The following RUFY1 variants were observed in gnomAD, a reference collection of about 807,000 sequenced individuals.
RUFY1 encodes RUN and FYVE domain containing 1.
RUFY1 carries 54 observed loss-of-function variants against 94.6 expected under a neutral mutation model. The ratio of observed to expected loss-of-function variants is 0.57; its 90% CI spans 0.46 to 0.72. RUFY1 has a LOEUF of 0.72. Among genes scored for constraint, RUFY1 ranks in the 30% least tolerant of loss-of-function variants. The pLI, the probability that RUFY1 is intolerant of heterozygous loss-of-function variation, is 0.00. For synonymous variants in RUFY1, 396 were observed against 347.3 expected (o/e 1.14, Z -1.56); for missense variants, 883 against 883.9 (o/e 1.00, Z 0.01).
At chr5:179,550,962 G>A in intron 1 of RUFY1, 83 bp downstream of exon 1, 3 of 982,516 alleles carry the variant, frequency 3.1e-6, no homozygotes, top group Non-Finnish European at 3.7e-6. Context: ...GGCCGGGCTG[G>A]GAGGGCACTG....
chr5:179,589,778 C>G (rs969620716), intron 9 of RUFY1, 131 bp downstream of exon 9: 2 of 722,916 alleles, frequency 2.8e-6, no homozygotes, highest in African/African-American at 3.5e-5. Context: ...CAGAAAGGGC[C>G]TCTCACTGCG....
intron 14 of RUFY1, 23 bp from the exon 15 acceptor site, chr5:179,601,869 T>G (rs959203231): frequency 1.8e-6 from 2 of 1,138,066 alleles, no homozygotes; most frequent in Non-Finnish European, 2.6e-6. Context: ...CTGTCCAGCA[T>G]CTGGTTGGTT....
chr5:179,580,245 A>ATATATATATATATATAT (rs59300402), intron 6 of RUFY1, among the ~76,000 whole-genome samples: 1 of 81,684 alleles, frequency 1.2e-5, no homozygotes, highest in Non-Finnish European at 2.5e-5. Flanking sequence ...GTGTGTGTAT[A>ATATATATATATATATAT]TTTTTTTTTT....
intron 6 of RUFY1, among the ~76,000 whole-genome samples, chr5:179,578,720 C>T (rs1017568092): frequency 2.0e-5 from 3 of 151,898 alleles, no homozygotes; most frequent in South Asian, 2.1e-4. Flanking sequence ...CTTGGCTCAC[C>T]GAAACCTCCA....
In RUFY1 at chr5:179,593,473, T is replaced by G. The variant is rs372156313; in HGVS notation, c.1246-5T>G. On this transcript the variant is annotated splice_region_variant and splice_polypyrimidine_tract_variant and intron_variant, in intron 10 of 17. Transcript: ENST00000319449. ...TAACATTTTCCTTGTAAATATCCTT[T>G]TAAGGAACTGGAAAAAGAACTGGAG... 1 of 1,583,940 alleles carries G rather than the reference T, an allele frequency of 6.3e-7. No individual in the cohort carries two copies. Among genetic ancestry groups the G allele is most frequent in the East Asian group, 2.2e-5 (1 of 44,718 alleles).
intron 1 of RUFY1, 28 bp downstream of exon 1, chr5:179,550,907 G>C (rs1761803751): frequency 9.1e-7 from 1 of 1,101,788 alleles, no homozygotes; most frequent in South Asian, 4.4e-5. Context: ...CTGTCCCGCG[G>C]CGGACTCGCG....
rs919185422 is a variant in RUFY1 at position 179,560,103 on chromosome 5, C to T, written c.389C>T (p.Ser130Leu). 2 of 1,613,904 alleles carry T rather than the reference C, an allele frequency of 1.2e-6. No individual in the cohort carries two copies. The highest frequency in any genetic ancestry group is 2.7e-5 in the African/African-American group (2 of 74,928). ...CTCAGCATCAAGGTGTTGCTCCAGT[C>T]GGCTCTGAGCCTGGGCCGCAGCCTG... is the stretch of plus-strand genomic sequence containing the variant. ...MKLSIKVLLQSALSLGRSLDA... is the reference protein window; with the variant it reads ...MKLSIKVLLQLALSLGRSLDA... Residue 130 changes from serine (S) to leucine (L), a missense_variant, in exon 2 of 18, where the codon TCG becomes TTG. Ser to Leu is a moderately radical substitution (Grantham distance 145). Transcript: ENST00000319449.
chr5:179,563,260 A>G (rs1317929786), intron 3 of RUFY1, among the ~76,000 whole-genome samples: 3 of 152,132 alleles, frequency 2.0e-5, no homozygotes, highest in South Asian at 4.1e-4. Flanking sequence ...CCCTTCTCCT[A>G]GGGAGCCTGC....
chr5:179,607,718 C>T, intron 17 of RUFY1, 59 bp downstream of exon 17: 1 of 1,438,338 alleles, frequency 7.0e-7, no homozygotes, highest in East Asian at 2.3e-5. Context: ...CTGGATTCCC[C>T]TTTCTCTGGT....
At chr5:179,575,579 T>C (rs944786259) in intron 5 of RUFY1, among the ~76,000 whole-genome samples, 2 of 152,246 alleles carry the variant, frequency 1.3e-5, no homozygotes, top group African/African-American at 4.8e-5. Flanking sequence ...TTCTACTGCA[T>C]TTTACTCATC....
chr5:179,579,657 CTTTTT>C lies in RUFY1; in HGVS notation c.891-1272_891-1268del, dbSNP rs61062422. ...TAACAAAATATACCCTTTTCTTCTTCTTTTTTTTTTTTTTTTTTTTTTGAGATGGA... is the reference window on the plus strand; with the variant it reads ...TAACAAAATATACCCTTTTCTTCTTCTTTTTTTTTTTTTTTTTGAGATGGA... On this transcript the variant is annotated intron_variant, in intron 6 of 17. Coordinates refer to ENST00000319449, the MANE Select transcript of RUFY1 (RefSeq NM_025158.5). Among the ~76,000 whole-genome samples the C allele has an allele frequency of 8.7e-4, 44 of 50,560 alleles. 2 individuals are homozygous for C. In the East Asian group the frequency reaches 0.022, roughly 25 times the overall value. The allele number at this position is 50,560 out of a possible 152,430, so 33.2% of individuals were successfully genotyped here.
Position 179,578,711 on chromosome 5 carries a change from T to G in RUFY1, c.890+1575T>G, listed in dbSNP as rs570226622. ...CAGGCTAGAGTGCAGTGGCACGATC[T>G]TGGCTCACCGAAACCTCCACCTCCC... On this transcript the variant is annotated intron_variant, in intron 6 of 17. Transcript: ENST00000319449. Among the ~76,000 whole-genome samples, 3 of 152,204 alleles carry G rather than the reference T, an allele frequency of 2.0e-5. No individual in the cohort carries two copies. In the South Asian group the frequency reaches 6.2e-4, roughly 32 times the overall value.
Position 179,589,587 on chromosome 5 carries a change from ACAG to A in RUFY1, c.1075_1077del (p.Gln359del). On this transcript the variant is annotated inframe_deletion, in exon 9 of 18. Transcript: ENST00000319449. ...ACCGAATTTGCTCACTTCAAGAAGA[ACAG>A]CAGCAGTTAAGAGAACAAAATGAAT... 2.5e-6 allele frequency: 4 copies of A among 1,614,216 alleles called. No homozygotes were observed. The highest frequency in any genetic ancestry group is 1.3e-5 in the African/African-American group (1 of 75,066).
chr5:179,586,180 C>T, intron 8 of RUFY1: 2 of 441,082 alleles, frequency 4.5e-6, no homozygotes, highest in Non-Finnish European at 8.6e-6. Flanking sequence ...TCTTTTTCTG[C>T]CCTTCCCATG....
intron 5 of RUFY1, among the ~76,000 whole-genome samples, chr5:179,575,094 A>G (rs1166142584): frequency 1.4e-5 from 2 of 140,334 alleles, no homozygotes; most frequent in Non-Finnish European, 1.5e-5. Flanking sequence ...GATTCTGGGG[A>G]AAATTTTTCT....
intron 6 of RUFY1, 23 bp from the exon 7 acceptor site, chr5:179,580,923 TC>T: frequency 6.9e-7 from 1 of 1,456,894 alleles, no homozygotes; most frequent in Non-Finnish European, 9.5e-7. Flanking sequence ...AAAAAGTTCT[TC>T]CTTCTTATGC....
chr5:179,586,442 G>GGGGGGT, intron 8 of RUFY1: 1 of 456,594 alleles, frequency 2.2e-6, no homozygotes, highest in Non-Finnish European at 4.4e-6. Context: ...GTTAGCAGGA[G>GGGGGGT]GGGGGTGCTC....
intron 9 of RUFY1, among the ~76,000 whole-genome samples, chr5:179,591,187 G>GT (rs148830602): frequency 0.04 from 5,849 of 147,856 alleles, 366 homozygotes; most frequent in African/African-American, 0.13. Flanking sequence ...TCTTTTTTTT[G>GT]TTTTTTTTTG....
chr5:179,551,596 A>G (rs1206514138), intron 1 of RUFY1, among the ~76,000 whole-genome samples: 2 of 148,800 alleles, frequency 1.3e-5, no homozygotes, highest in Admixed American at 1.3e-4. Context: ...GGTTCAAGCG[A>G]TCCTCCCTCC....
Sources: allele counts gnomAD v4.1 joint callset (sites outside exome capture counted in the v4.1 genomes callset), GRCh38; gene constraint gnomAD v4.1.1; transcripts MANE v1.5; gene names NCBI Gene and HGNC (gene_info 2026-07-23, HGNC 2026-07-21).